Variants in CDC14B observed in about 807,000 individuals in gnomAD.
CDC14B encodes cell division cycle 14B.
A neutral mutation model predicts 64.2 loss-of-function variants in CDC14B; 22 were observed. The ratio of observed to expected loss-of-function variants is 0.34; its 90% CI spans 0.24 to 0.49. The LOEUF (loss-of-function observed/expected upper bound fraction) is 0.49, where lower values mean the gene tolerates loss of function less well. Among genes scored for constraint, CDC14B ranks in the 20% least tolerant of loss-of-function variants. The probability of loss-of-function intolerance (pLI) is 0.99; values close to 1 mark genes in which losing one functional copy is unlikely to be tolerated. For missense variants in CDC14B, 498 were observed against 629.9 expected, an observed-to-expected ratio of 0.79 and a Z score of 2.24; for synonymous variants, 191 against 215.8, an observed-to-expected ratio of 0.89 and a Z score of 1.01.
chr9:96,564,918 G>C (rs1208041746), intron 2 of CDC14B, 66 bp from the exon 3 acceptor site: 1 of 1,009,846 alleles, frequency 9.9e-7, no homozygotes, highest in East Asian at 2.6e-5. Flanking sequence ...TGCCTTTTTT[G>C]GGTCTACAAG....
At chr9:96,579,632 G>A (rs1845021067) in intron 1 of CDC14B, among the ~76,000 whole-genome samples, 1 of 151,672 alleles carries the variant, frequency 6.6e-6, no homozygotes. Context: ...CCCACTGAAT[G>A]CACACAGGAA....
intron 1 of CDC14B, among the ~76,000 whole-genome samples, chr9:96,576,048 G>A (rs1351746290): frequency 6.6e-6 from 1 of 152,196 alleles, no homozygotes; most frequent in Non-Finnish European, 1.5e-5. Flanking sequence ...GGCTGAGGCG[G>A]GTGGATCACC....
At chr9:96,574,445 A>G (rs1844671417) in intron 1 of CDC14B, among the ~76,000 whole-genome samples, 1 of 152,090 alleles carries the variant, frequency 6.6e-6, no homozygotes, top group Admixed American at 6.6e-5. Context: ...AAATACCTCA[A>G]GTGGATTAAA....
In CDC14B at chr9:96,606,349, A is replaced by G. The variant is rs867325872; in HGVS notation, c.160+12870T>C. On this transcript the variant is annotated intron_variant, in intron 1 of 13. Transcript: ENST00000375241. ...CTCCATCTCAAAAAAAAAAAAAAAA[A>G]AAAAAAAAAGAATATTATTTGTTCT... Among the ~76,000 whole-genome samples, 534 of 149,126 alleles carry G rather than the reference A, an allele frequency of 3.6e-3. 3 individuals are homozygous for G. Among genetic ancestry groups the G allele is most frequent in the African/African-American group, 0.013 (512 of 39,400 alleles).
intron 13 of CDC14B, among the ~76,000 whole-genome samples, chr9:96,508,965 G>T (rs1384498805): frequency 6.6e-6 from 1 of 152,200 alleles, no homozygotes; most frequent in African/African-American, 2.4e-5. Context: ...AAACAGGACT[G>T]CATGGGCTGC....
chr9:96,518,666 C>T (rs1325118384), intron 12 of CDC14B, among the ~76,000 whole-genome samples: 2 of 152,172 alleles, frequency 1.3e-5, no homozygotes, highest in African/African-American at 2.4e-5. Context: ...TACTAATATA[C>T]ATAAAGATCA....
chr9:96,600,954 T>C (rs1226399623), intron 1 of CDC14B, among the ~76,000 whole-genome samples: 1 of 152,170 alleles, frequency 6.6e-6, no homozygotes, highest in Non-Finnish European at 1.5e-5. Flanking sequence ...AAACAGATTA[T>C]TATGCAACCA....
intron 1 of CDC14B, among the ~76,000 whole-genome samples, chr9:96,610,541 T>C (rs560395247): frequency 6.6e-6 from 1 of 152,226 alleles, no homozygotes; most frequent in Admixed American, 6.5e-5. Context: ...AGCACTTCCC[T>C]GTTTCCCAAG....
At chr9:96,597,149 A>T (rs1302274919) in intron 1 of CDC14B, among the ~76,000 whole-genome samples, 1 of 152,200 alleles carries the variant, frequency 6.6e-6, no homozygotes, top group African/African-American at 2.4e-5. Context: ...TATTACACAC[A>T]GGGAAGCAAA....
intron 12 of CDC14B, among the ~76,000 whole-genome samples, chr9:96,519,067 C>T (rs1022013702): frequency 2.0e-5 from 3 of 151,708 alleles, no homozygotes; most frequent in Non-Finnish European, 4.4e-5. Context: ...TCCCAGGAGG[C>T]GGAGCTTGCA....
chr9:96,527,887 T>C (rs868669572), intron 9 of CDC14B, among the ~76,000 whole-genome samples: 1 of 152,074 alleles, frequency 6.6e-6, no homozygotes, highest in Admixed American at 6.5e-5. Flanking sequence ...AGTGCTGGGA[T>C]TACAGGCGTG....
chr9:96,524,532 T>C (rs1587814957), intron 9 of CDC14B, among the ~76,000 whole-genome samples: 1 of 152,348 alleles, frequency 6.6e-6, no homozygotes, highest in East Asian at 1.9e-4. Flanking sequence ...CTGGCCTGTC[T>C]TATCTAGACT....
At chr9:96,570,667 T>C (rs1844411068) in intron 1 of CDC14B, among the ~76,000 whole-genome samples, 1 of 152,164 alleles carries the variant, frequency 6.6e-6, no homozygotes, top group Non-Finnish European at 1.5e-5. Flanking sequence ...AAAGTACTGA[T>C]TAACAAAGAA....
chr9:96,617,888 G>T (rs532819167), intron 1 of CDC14B, among the ~76,000 whole-genome samples: 1 of 152,120 alleles, frequency 6.6e-6, no homozygotes, highest in Admixed American at 6.5e-5. Flanking sequence ...AGGCCCACCC[G>T]TTCCCAGCCC....
chr9:96,543,880 AGTTACATAAATACATGTAAAAC>A (rs1840429494), intron 5 of CDC14B, among the ~76,000 whole-genome samples: 1 of 152,204 alleles, frequency 6.6e-6, no homozygotes, highest in Non-Finnish European at 1.5e-5. Flanking sequence ...ACTGTGTGGT[AGTTACATAAATACATGTAAAAC>A]CTTACTACTG....
intron 1 of CDC14B, among the ~76,000 whole-genome samples, chr9:96,612,202 T>C (rs1175395265): frequency 3.3e-5 from 5 of 152,252 alleles, no homozygotes; most frequent in Non-Finnish European, 5.9e-5. Flanking sequence ...ATCTGGAGCA[T>C]TTCTGCCCTG....
intron 1 of CDC14B, among the ~76,000 whole-genome samples, chr9:96,569,444 T>G (rs894286107): frequency 2.0e-5 from 3 of 152,176 alleles, no homozygotes; most frequent in Non-Finnish European, 4.4e-5. Flanking sequence ...AAACCTTAAG[T>G]TCAATTCCTT....
rs753515951 is a variant in CDC14B at position 96,619,314 on chromosome 9, G to A, written c.65C>T (p.Ser22Leu). 32 of 1,305,918 alleles carry A rather than the reference G, an allele frequency of 2.5e-5. No homozygotes were observed. The highest frequency in any genetic ancestry group is 8.6e-5 in the South Asian group (3 of 34,938). 80.9% of individuals were successfully genotyped at this position (1,305,918 alleles called of 1,614,324 possible). ...CTTCTTCACACCCGGCGAGGTCGAC[G>A]AGCAGCGCCGCGAGCAGGGGGGCGC... ...AAAPPCSRRC[S>L]STSPGVKKIR... Residue 22 changes from serine to leucine, a missense_variant, in exon 1 of 14, where the codon TCG becomes TTG. Coordinates refer to ENST00000375241, the MANE Select transcript of CDC14B (RefSeq NM_033331.4).
chr9:96,567,107 A>C lies in CDC14B; in HGVS notation c.161-1624T>G, dbSNP rs942780223. ...GCCTGGCCGCCCGCCTTCCTTCCCC[A>C]GCTGGGAACGCGGGGCGGCCTGTGC... On this transcript the variant is annotated intron_variant, in intron 1 of 13. Transcript: ENST00000375241. 8.8e-6 allele frequency: 6 copies of C among 683,570 alleles called. No homozygotes were observed. In the Admixed American group the frequency reaches 2.0e-4, roughly 23 times the overall value. 42.3% of individuals were successfully genotyped at this position (683,570 alleles called of 1,614,324 possible).
Sources: gnomAD v4.1 joint callset for allele counts (sites outside exome capture counted in the v4.1 genomes callset) on GRCh38, gnomAD v4.1.1 for gene constraint, MANE v1.5 for transcripts, NCBI Gene and HGNC (gene_info 2026-07-23, HGNC 2026-07-21) for gene names.